The following FOXP1 variants were observed in gnomAD, a reference collection of about 807,000 sequenced individuals.
FOXP1 encodes the protein forkhead box protein P1.
FOXP1 carries 15 observed loss-of-function variants against 98.2 expected under a neutral mutation model. The ratio of observed to expected loss-of-function variants is 0.15; its 90% CI spans 0.10 to 0.24. FOXP1 has a LOEUF of 0.24. Ranked by LOEUF, FOXP1 falls within the 10% of genes least tolerant of loss-of-function variation. The pLI, the probability that FOXP1 is intolerant of heterozygous loss-of-function variation, is 1.00. For missense variants in FOXP1, 633 were observed against 848.5 expected, an observed-to-expected ratio of 0.75 and a Z score of 3.15; for synonymous variants, 371 against 314.5, an observed-to-expected ratio of 1.18 and a Z score of -1.90.
chr3:71,363,436 A>G (rs552686648), intron 3 of FOXP1, among the ~76,000 whole-genome samples: 1 of 152,376 alleles, frequency 6.6e-6, no homozygotes, highest in African/African-American at 2.4e-5. Context: ...TCACTCTGAG[A>G]TAGATCTGTC....
At chr3:71,313,060 T>C (rs1364448457) in intron 4 of FOXP1, among the ~76,000 whole-genome samples, 1 of 145,926 alleles carries the variant, frequency 6.9e-6, no homozygotes, top group East Asian at 2.0e-4. Context: ...TTTAATTCTT[T>C]TTTTTTTTTT....
At chr3:70,960,558 A>T (rs751168611) in intron 20 of FOXP1, among the ~76,000 whole-genome samples, 4 of 152,236 alleles carry the variant, frequency 2.6e-5, no homozygotes, top group Non-Finnish European at 5.9e-5. Context: ...TAAAAGAACC[A>T]TTTGAGTTAA....
At position 70,955,913 on chromosome 3, in the gene FOXP1, G is replaced by A. The variant is rs528900247; in HGVS notation, c.*3334C>T. The A allele has an allele frequency of 1.1e-4, 26 of 232,310 alleles. No individual in the cohort carries two copies. The South Asian group carries it at 3.5e-3, about 31-fold the overall frequency. The allele number at this position is 232,310 out of a possible 1,614,324, so 14.4% of individuals were successfully genotyped here. On this transcript the variant is annotated 3_prime_UTR_variant, in exon 21 of 21. Transcript: ENST00000649528. ...ACAGAAAAAAGAAATCTTCAACTAT[G>A]TTACAGTTTAAAAGCAGAAAAAAAA...
intron 2 of FOXP1, among the ~76,000 whole-genome samples, chr3:71,569,741 G>T (rs1039886172): frequency 6.6e-6 from 1 of 151,674 alleles, no homozygotes; most frequent in African/African-American, 2.4e-5. Context: ...ATATCATTAC[G>T]ATCCTAATGG....
chr3:71,130,735 G>T, intron 6 of FOXP1: 4 of 1,483,478 alleles, frequency 2.7e-6, no homozygotes, highest in Non-Finnish European at 3.6e-6. Context: ...AGCTGGCTGG[G>T]CTCTCACTAA....
chr3:71,226,631 C>T (rs770427245), intron 5 of FOXP1, among the ~76,000 whole-genome samples: 1 of 152,000 alleles, frequency 6.6e-6, no homozygotes, highest in Non-Finnish European at 1.5e-5. Context: ...GGCTCAATCT[C>T]TTTCACTCTG....
intron 2 of FOXP1, among the ~76,000 whole-genome samples, chr3:71,507,006 C>T (rs1221680561): frequency 6.6e-6 from 1 of 152,218 alleles, no homozygotes; most frequent in African/African-American, 2.4e-5. Flanking sequence ...CACCTGAGAG[C>T]TGCTGTTCTC....
intron 11 of FOXP1, among the ~76,000 whole-genome samples, chr3:71,017,245 A>T (rs1298089010): frequency 1.3e-5 from 2 of 152,094 alleles, no homozygotes; most frequent in Non-Finnish European, 2.9e-5. Flanking sequence ...AATGAATAAA[A>T]TAGAAATGCA....
At chr3:70,972,065 C>T (rs767375249) in intron 18 of FOXP1, 4 of 1,516,714 alleles carry the variant, frequency 2.6e-6, no homozygotes, top group African/African-American at 1.4e-5. Context: ...AGGACGGCCT[C>T]GTTGAATATG....
intron 11 of FOXP1, among the ~76,000 whole-genome samples, chr3:71,041,011 T>C (rs934827442): frequency 6.6e-6 from 1 of 152,188 alleles, no homozygotes; most frequent in African/African-American, 2.4e-5. Flanking sequence ...GGAATTCAGC[T>C]TGTACGGAGT....
At position 71,321,783 on chromosome 3, in the gene FOXP1, G is replaced by A. The variant is rs938873361; in HGVS notation, c.-72-21903C>T. The stretch of plus-strand genomic sequence containing the variant: ...ACTACAAGTGTGCACCACCACACCT[G>A]GCTAATTTTTTTTGTATTTTTAGTA... On this transcript the variant is annotated intron_variant, in intron 4 of 20. Coordinates refer to ENST00000649528, the MANE Select transcript of FOXP1 (RefSeq NM_001349338.3). Among the ~76,000 whole-genome samples, 20 of 151,938 alleles carry A rather than the reference G, an allele frequency of 1.3e-4. 1 individual carries two copies. The highest frequency in any genetic ancestry group is 7.9e-4 in the Admixed American group (12 of 15,256).
intron 6 of FOXP1, among the ~76,000 whole-genome samples, chr3:71,190,521 T>C (rs1239511767): frequency 1.3e-5 from 2 of 149,272 alleles, no homozygotes; most frequent in East Asian, 3.9e-4. Flanking sequence ...AGAAGCCTGA[T>C]GGTGGGAGAA....
chr3:71,314,715 A>G (rs1435143925), intron 4 of FOXP1, among the ~76,000 whole-genome samples: 1 of 152,072 alleles, frequency 6.6e-6, no homozygotes, highest in Non-Finnish European at 1.5e-5. Flanking sequence ...CACCTACCTC[A>G]GTGGAGGCAA....
intron 3 of FOXP1, among the ~76,000 whole-genome samples, chr3:71,405,277 TA>T (rs569882884): frequency 1.3e-3 from 204 of 152,318 alleles, no homozygotes; most frequent in Middle Eastern, 6.8e-3. Flanking sequence ...TAACAGCAGC[TA>T]CCTCAGAAGG....
At chr3:71,412,857 G>A (rs1165571166) in intron 3 of FOXP1, among the ~76,000 whole-genome samples, 3 of 151,950 alleles carry the variant, frequency 2.0e-5, no homozygotes, top group Non-Finnish European at 1.5e-5. Flanking sequence ...CACATTTGGG[G>A]GTGAATATGT....
intron 5 of FOXP1, among the ~76,000 whole-genome samples, chr3:71,273,666 G>C (rs935840945): frequency 6.6e-6 from 1 of 152,132 alleles, no homozygotes; most frequent in African/African-American, 2.4e-5. Flanking sequence ...ATGACTGCTT[G>C]ATAATAGGGC....
At chr3:71,169,595 T>C (rs2061548523) in intron 6 of FOXP1, among the ~76,000 whole-genome samples, 1 of 152,030 alleles carries the variant, frequency 6.6e-6, no homozygotes, top group Admixed American at 6.6e-5. Flanking sequence ...CCTTTTATCT[T>C]TCCTTCCTCC....
At chr3:71,130,839 T>C in intron 6 of FOXP1, 1 of 1,432,258 alleles carries the variant, frequency 7.0e-7, no homozygotes. Context: ...AAAGTTGCAT[T>C]TAGCACTTAA....
At chr3:71,033,890 T>C (rs1479559392) in intron 11 of FOXP1, among the ~76,000 whole-genome samples, 2 of 152,132 alleles carry the variant, frequency 1.3e-5, no homozygotes, top group Non-Finnish European at 1.5e-5. Context: ...GGTGCTTCTG[T>C]CTGACCTCAG....
Sources: allele counts gnomAD v4.1 joint callset (sites outside exome capture counted in the v4.1 genomes callset), GRCh38; gene constraint gnomAD v4.1.1; transcripts MANE v1.5; gene names NCBI Gene and HGNC (gene_info 2026-07-23, HGNC 2026-07-21).